The following VWDE variants were observed in gnomAD, a reference collection of about 807,000 sequenced individuals.
VWDE encodes von Willebrand factor D and EGF domain-containing protein.
VWDE carries 207 observed loss-of-function variants against 178.4 expected under a neutral mutation model. The observed-to-expected ratio is 1.16, with a 90% confidence interval of 1.04 to 1.30. The LOEUF (loss-of-function observed/expected upper bound fraction) is 1.30. Ranked by LOEUF, VWDE falls within the 50% of genes most tolerant of loss-of-function variation. The pLI, the probability that VWDE is intolerant of heterozygous loss-of-function variation, is 0.00. For missense variants in VWDE, 2,287 were observed against 1,901.3 expected (o/e 1.20, Z -3.77); for synonymous variants, 738 against 651.4 (o/e 1.13, Z -2.02).
chr7:12,367,544 A>C (rs1782930663), intron 12 of VWDE, 51 bp from the exon 13 acceptor site: 8 of 1,375,924 alleles, frequency 5.8e-6, no homozygotes, highest in Non-Finnish European at 5.8e-6. Flanking sequence ...AATTTCAGAA[A>C]AAAAAACTAA....
intron 3 of VWDE, among the ~76,000 whole-genome samples, chr7:12,386,705 G>A (rs971393607): frequency 1.3e-5 from 2 of 152,258 alleles, no homozygotes; most frequent in African/African-American, 4.8e-5. Flanking sequence ...TTTGTTAGAC[G>A]TTTCGCTGGT....
Position 12,370,859 on chromosome 7 carries a change from C to G in VWDE, c.1593G>C (p.Trp531Cys). ...CACGGATAAATGCCCCAGAAGAAAACCAGATCTGAAAAACAGAAATAAATA... is the reference window on the plus strand; with the variant it reads ...CACGGATAAATGCCCCAGAAGAAAAGCAGATCTGAAAAACAGAAATAAATA... The part of the protein sequence containing the change: ...ESYLGRKVTI[W>C]FSSGAFIRAD... Residue 531 changes from tryptophan (W) to cysteine (C), a missense_variant, in exon 11 of 29, where the codon TGG becomes TGC. Physicochemically the swap from Trp to Cys is radical, Grantham distance 215. Transcript: ENST00000275358. The G allele has an allele frequency of 4.0e-6, 6 of 1,512,348 alleles. No individual in the cohort carries two copies. Among genetic ancestry groups the G allele is most frequent in the Non-Finnish European group, 5.3e-6 (6 of 1,131,064 alleles). 93.7% of individuals were successfully genotyped at this position (1,512,348 alleles called of 1,614,324 possible). A position where few individuals can be genotyped will look rare whatever the true frequency, so the allele number is the denominator to read the frequency against.
At chr7:12,384,301 C>T (rs75953410) in intron 3 of VWDE, among the ~76,000 whole-genome samples, 1,968 of 152,010 alleles carry the variant, frequency 0.013, 43 homozygotes, top group African/African-American at 0.045. Flanking sequence ...GAAAAAACAA[C>T]ACTATGGAGA....
chr7:12,354,126 T>G (rs943491269), intron 18 of VWDE: 2 of 212,372 alleles, frequency 9.4e-6, no homozygotes, highest in East Asian at 2.9e-4. Context: ...CAGAACACTT[T>G]ATTATACTCT....
In VWDE at chr7:12,370,500, T is replaced by C. The variant is rs1237817047; in HGVS notation, c.1806A>G (p.Pro602=). ...GCAGTGTGTCAGACATGCTTTTTCC[T>C]GGTAAAATCCTTCCAGATGGAAAAC... ...VAFINEWRIL[P]GKSMSDTLPV... is the part of the protein sequence containing the mutation. The change falls in exon 12 of 29, where the codon CCA becomes CCG. Residue 602 remains proline (P), a synonymous_variant. Coordinates refer to ENST00000275358, the MANE Select transcript of VWDE (RefSeq NM_001135924.3). 1 of 1,536,486 alleles carries C rather than the reference T, an allele frequency of 6.5e-7. No individual in the cohort carries two copies. Among genetic ancestry groups the C allele is most frequent in the Middle Eastern group, 1.7e-4 (1 of 5,950 alleles).
At position 12,369,672 on chromosome 7, in the gene VWDE, G is replaced by A; in HGVS notation, c.2634C>T (p.Gly878=). The A allele has an allele frequency of 6.4e-7, 1 of 1,551,602 alleles. No individual in the cohort carries two copies. Among genetic ancestry groups the A allele is most frequent in the Non-Finnish European group, 8.7e-7 (1 of 1,146,874 alleles). The change falls in exon 12 of 29, where the codon GGC becomes GGT. Residue 878 remains glycine, a synonymous_variant. Transcript: ENST00000275358. ...CTGAGAGAATGTCTTCAATTGATGT[G>A]CCATACTCTTCTGTGTTATATTTCC... ...EEGKYNTEEY[G]TSIEDILSVL...
At position 12,396,637 on chromosome 7, in the gene VWDE, G is replaced by A. The variant is rs138998299; in HGVS notation, c.59-2859C>T. 6.4e-3 allele frequency among the ~76,000 whole-genome samples: 974 copies of A among 152,218 alleles called. 12 individuals are homozygous for A. Among genetic ancestry groups the A allele is most frequent in the African/African-American group, 0.022 (900 of 41,532 alleles). ...AAGAATCCATTGTCTGCCAGATGTG[G>A]TGACTCACGCCTATAATTCCAGCAC... On this transcript the variant is annotated intron_variant, in intron 1 of 28. Coordinates refer to ENST00000275358, the MANE Select transcript of VWDE (RefSeq NM_001135924.3).
chr7:12,378,738 C>T (rs1166939339), intron 6 of VWDE, among the ~76,000 whole-genome samples: 1 of 152,174 alleles, frequency 6.6e-6, no homozygotes, highest in African/African-American at 2.4e-5. Flanking sequence ...GTGGTCCACT[C>T]TTCTCACTTC....
chr7:12,350,721 C>G (rs532555635), intron 19 of VWDE, among the ~76,000 whole-genome samples: 13 of 152,210 alleles, frequency 8.5e-5, no homozygotes, highest in Admixed American at 8.5e-4. Context: ...GAACACATTA[C>G]TTAAGCCTTC....
In VWDE at chr7:12,403,836, T is replaced by G; in HGVS notation, c.-120A>C. ...TGGATTTTCTCAGTCTGTTGCTGCT[T>G]GGAACAGGGAAGCTCCGCGTCCTCG... is the stretch of plus-strand genomic sequence containing the variant. On this transcript the variant is annotated 5_prime_UTR_variant, in exon 1 of 29. Coordinates refer to ENST00000275358, the MANE Select transcript of VWDE (RefSeq NM_001135924.3). 9.1e-7 allele frequency: 1 copy of G among 1,103,298 alleles called. No individual in the cohort carries two copies. The highest frequency in any genetic ancestry group is 1.3e-6 in the Non-Finnish European group (1 of 758,686). The allele number at this position is 1,103,298 out of a possible 1,614,324, so 68.3% of individuals were successfully genotyped here.
intron 16 of VWDE, among the ~76,000 whole-genome samples, chr7:12,359,023 T>A (rs1219978459): frequency 1.3e-5 from 2 of 152,216 alleles, no homozygotes; most frequent in Non-Finnish European, 2.9e-5. Context: ...TGTGTCCTAT[T>A]GTCTCTAATA....
chr7:12,387,434 C>G (rs1784157051), intron 3 of VWDE, among the ~76,000 whole-genome samples: 1 of 151,866 alleles, frequency 6.6e-6, no homozygotes, highest in Admixed American at 6.6e-5. Flanking sequence ...TCTGAGAATG[C>G]TAGAAATTTA....
chr7:12,379,950 C>G (rs1963446), intron 5 of VWDE, among the ~76,000 whole-genome samples: 106,184 of 151,550 alleles, frequency 0.7, 37,350 homozygotes, highest in African/African-American at 0.7. Context: ...AAATTAGCTG[C>G]GTGTGGGTGT....
intron 1 of VWDE, among the ~76,000 whole-genome samples, chr7:12,395,523 C>T (rs755471990): frequency 2.6e-5 from 4 of 151,450 alleles, no homozygotes; most frequent in Admixed American, 6.6e-5. Context: ...AATACAAAGC[C>T]GAAAATGTAA....
At chr7:12,346,519 T>C (rs1781606561) in intron 19 of VWDE, among the ~76,000 whole-genome samples, 2 of 151,846 alleles carry the variant, frequency 1.3e-5, no homozygotes, top group South Asian at 2.1e-4. Context: ...GAACCACAGG[T>C]CTAATAATTT....
Position 12,363,903 on chromosome 7 carries a change from T to A in VWDE, c.2899-2382A>T, listed in dbSNP as rs141497768. 4.5e-4 allele frequency among the ~76,000 whole-genome samples: 68 copies of A among 151,992 alleles called. 2 individuals carry two copies. In the East Asian group the frequency reaches 0.011, roughly 26 times the overall value. On this transcript the variant is annotated intron_variant, in intron 13 of 28. Coordinates refer to ENST00000275358, the MANE Select transcript of VWDE (RefSeq NM_001135924.3). Reference sequence around the variant, plus strand: ...AAACAGATAACCACTCTAAACAGAGTGGAAAATAGTTAATCTAACTCACTT... The same window carrying A: ...AAACAGATAACCACTCTAAACAGAGAGGAAAATAGTTAATCTAACTCACTT...
chr7:12,371,322 C>G (rs1462248372), intron 10 of VWDE, among the ~76,000 whole-genome samples: 1 of 152,094 alleles, frequency 6.6e-6, no homozygotes, highest in African/African-American at 2.4e-5. Context: ...AGTAGACAAA[C>G]AGAATCAGAA....
chr7:12,368,672 G>A (rs1270172011), intron 12 of VWDE, among the ~76,000 whole-genome samples: 2 of 152,166 alleles, frequency 1.3e-5, no homozygotes, highest in African/African-American at 2.4e-5. Flanking sequence ...AGCCATTCGA[G>A]CTATATAAAC....
intron 18 of VWDE, among the ~76,000 whole-genome samples, chr7:12,352,368 C>T (rs917033165): frequency 6.6e-6 from 1 of 152,188 alleles, no homozygotes; most frequent in African/African-American, 2.4e-5. Context: ...TATCCATTGA[C>T]TCTGGTACCT....
Sources: allele counts gnomAD v4.1 joint callset (sites outside exome capture counted in the v4.1 genomes callset), GRCh38; gene constraint gnomAD v4.1.1; transcripts MANE v1.5; gene names NCBI Gene and HGNC (gene_info 2026-07-23, HGNC 2026-07-21).